TBCD: variants seen among roughly 807,000 people sequenced by gnomAD.
The protein encoded by TBCD is tubulin-specific chaperone D.
Under a neutral mutation model 169.3 loss-of-function variants are expected in TBCD, and 105 were observed. The ratio of observed to expected loss-of-function variants is 0.62; its 90% CI spans 0.53 to 0.73. The LOEUF (loss-of-function observed/expected upper bound fraction) is 0.73, where lower values mean the gene tolerates loss of function less well. Ranked by LOEUF, TBCD falls within the 30% of genes least tolerant of loss-of-function variation. The pLI is 0.00. For synonymous variants in TBCD, 700 were observed against 643.9 expected, an observed-to-expected ratio of 1.09 and a Z score of -1.32; for missense variants, 1,444 against 1,600.1, an observed-to-expected ratio of 0.90 and a Z score of 1.66.
At chr17:82,801,659 G>T (rs1267297374) in intron 9 of TBCD, among the ~76,000 whole-genome samples, 2 of 96,722 alleles carry the variant, frequency 2.1e-5, no homozygotes, top group Non-Finnish European at 4.6e-5. Flanking sequence ...CGTGTGCGTT[G>T]TGTGGGTCGG....
intron 13 of TBCD, among the ~76,000 whole-genome samples, chr17:82,844,985 C>T (rs2054880346): frequency 6.6e-6 from 1 of 152,036 alleles, no homozygotes; most frequent in Admixed American, 6.5e-5. Flanking sequence ...CAGAGTTACA[C>T]CAGAGGTGGG....
intron 15 of TBCD, among the ~76,000 whole-genome samples, chr17:82,887,166 T>C (rs867572685): frequency 0.026 from 2,814 of 109,004 alleles, 71 homozygotes; most frequent in African/African-American, 0.082. Flanking sequence ...TGTGTGTGTG[T>C]GTGCGCGCGC....
chr17:82,937,962 C>T (rs753414536), intron 35 of TBCD, 87 bp from the exon 36 acceptor site: 3 of 1,572,728 alleles, frequency 1.9e-6, no homozygotes, highest in African/African-American at 1.4e-5. Context: ...CTGCCCAGGT[C>T]TCTGCATGGG....
At position 82,794,902 on chromosome 17, in the gene TBCD, C is replaced by T. The variant is rs1225796483; in HGVS notation, c.772-2855C>T. On this transcript the variant is annotated intron_variant, in intron 7 of 38. Transcript: ENST00000355528. ...GAGAGAAGTGTGAGGAGAAAAAGAC[C>T]CTTCGCCCTGTAAATGTGTGGGGTT... Among the ~76,000 whole-genome samples, 7 of 152,140 alleles carry T rather than the reference C, an allele frequency of 4.6e-5. No individual in the cohort carries two copies. The South Asian group carries it at 6.2e-4, about 14-fold the overall frequency.
chr17:82,875,619 G>GCCGAGGCCTGCAGAT (rs768613686), intron 14 of TBCD, among the ~76,000 whole-genome samples: 2 of 152,168 alleles, frequency 1.3e-5, no homozygotes, highest in African/African-American at 4.8e-5. Context: ...GGGAGGATCC[G>GCCGAGGCCTGCAGAT]CCGAGGCCTG....
At chr17:82,856,918 G>C in intron 13 of TBCD, among the ~76,000 whole-genome samples, 1 of 142,758 alleles carries the variant, frequency 7.0e-6, no homozygotes, top group East Asian at 2.0e-4. Context: ...GACCGCGTGC[G>C]GACCCTCGGT....
At chr17:82,882,594 T>C (rs537628736) in intron 14 of TBCD, among the ~76,000 whole-genome samples, 1 of 152,150 alleles carries the variant, frequency 6.6e-6, no homozygotes, top group South Asian at 2.1e-4. Flanking sequence ...GCCTGAGAGG[T>C]GTGCTGTGAA....
rs909288617 is a variant in TBCD, at chr17:82,782,635, C to G, written c.771+914C>G. 6.6e-6 allele frequency among the ~76,000 whole-genome samples: 1 copy of G among 152,198 alleles called. No homozygotes were observed. The highest frequency in any genetic ancestry group is 6.5e-5 in the Admixed American group (1 of 15,284). On this transcript the variant is annotated intron_variant, in intron 7 of 38. Transcript: ENST00000355528. The surrounding 1 kb of genome is among the most constrained non-coding windows in gnomAD (Gnocchi z 5.1). ...TGCTGGGATTACAGGCTTGAGCCGC[C>G]GCGCCTGGAAGGACACTTTGGAGCG...
chr17:82,779,847 G>A lies in TBCD; in HGVS notation c.639-1742G>A, dbSNP rs543190057. 7.9e-5 allele frequency among the ~76,000 whole-genome samples: 12 copies of A among 152,290 alleles called. 1 individual carries two copies. In the South Asian group the frequency reaches 1.2e-3, roughly 16 times the overall value. On this transcript the variant is annotated intron_variant, in intron 6 of 38. Coordinates refer to ENST00000355528, the MANE Select transcript of TBCD (RefSeq NM_005993.5). ...GTCTCACCTTGCCTGGGGTCTCCAC[G>A]TAGCTGTCTCGTGGGCGTCGCGTGG... is the stretch of plus-strand genomic sequence containing the variant.
chr17:82,752,300 C>T lies in TBCD; in HGVS notation c.107C>T (p.Thr36Ile). The T allele has an allele frequency of 3.3e-6, 5 of 1,507,752 alleles. No individual in the cohort carries two copies. Among genetic ancestry groups the T allele is most frequent in the Non-Finnish European group, 4.4e-6 (5 of 1,135,084 alleles). 93.4% of individuals were successfully genotyped at this position (1,507,752 alleles called of 1,614,324 possible). Residue 36 changes from threonine (T) to isoleucine (I), a missense_variant, in exon 1 of 39, where the codon ACC (threonine) becomes ATC (isoleucine). Physicochemically the swap from Thr to Ile is moderately conservative, Grantham distance 89. Coordinates refer to ENST00000355528, the MANE Select transcript of TBCD (RefSeq NM_005993.5). ...GAAGCGTTCGGCGAGAGCGCGGAGA[C>T]CCGGGCGCTGCTGGGCCGCCTGCGG... is the stretch of plus-strand genomic sequence containing the variant. Reference protein sequence around the residue: ...ALEAFGESAETRALLGRLREV... With the variant: ...ALEAFGESAEIRALLGRLREV...
intron 25 of TBCD, among the ~76,000 whole-genome samples, chr17:82,921,864 C>G (rs995483164): frequency 6.6e-5 from 10 of 152,204 alleles, no homozygotes; most frequent in African/African-American, 2.4e-4. Context: ...TCAATAGTAA[C>G]TGTGCTCTGT....
Position 82,884,569 on chromosome 17 carries a change from C to T in TBCD, c.1533+367C>T, listed in dbSNP as rs1479487466. On this transcript the variant is annotated intron_variant, in intron 15 of 38. Transcript: ENST00000355528. This position sits in a 1 kb window ranked among gnomAD's most constrained non-coding sequence, Gnocchi z 4.2. Reference sequence around the variant, plus strand: ...GCCAGAATGTGGCGGCGGGACGGGTCACTCACCGGGTGGCTTTGAGCCTCG... The same window carrying T: ...GCCAGAATGTGGCGGCGGGACGGGTTACTCACCGGGTGGCTTTGAGCCTCG... 6.6e-6 allele frequency among the ~76,000 whole-genome samples: 1 copy of T among 152,168 alleles called. No individual in the cohort carries two copies. Among genetic ancestry groups the T allele is most frequent in the African/African-American group, 2.4e-5 (1 of 41,430 alleles).
chr17:82,853,896 A>AT (rs1039606960), intron 13 of TBCD, among the ~76,000 whole-genome samples: 26 of 151,474 alleles, frequency 1.7e-4, no homozygotes, highest in Middle Eastern at 6.9e-3. Context: ...GCTTTTTCAG[A>AT]TTTTTTTTTG....
chr17:82,856,156 G>A (rs1238596570), intron 13 of TBCD, among the ~76,000 whole-genome samples: 1 of 151,140 alleles, frequency 6.6e-6, no homozygotes, highest in South Asian at 2.1e-4. Flanking sequence ...CATATAGTAA[G>A]ACAAAGACAC....
chr17:82,932,821 A>G, intron 34 of TBCD, 86 bp downstream of exon 34: 2 of 1,373,102 alleles, frequency 1.5e-6, no homozygotes, highest in South Asian at 1.2e-5. Context: ...CACAGAGATC[A>G]GAATTCCAGG....
At chr17:82,838,837 G>A (rs932261975) in intron 13 of TBCD, 50 of 985,312 alleles carry the variant, frequency 5.1e-5, no homozygotes, top group African/African-American at 1.4e-4. Context: ...ACCTGAGCTC[G>A]TAAACAAACG....
At position 82,942,635 on chromosome 17, in the gene TBCD, T is replaced by C; in HGVS notation, c.*172T>C. 1.3e-6 allele frequency: 1 copy of C among 760,280 alleles called. No homozygotes were observed. The highest frequency in any genetic ancestry group is 2.6e-5 in the Admixed American group (1 of 38,062). The allele number at this position is 760,280 out of a possible 1,614,324, so 47.1% of individuals were successfully genotyped here. ...TTTCCTCTCTGCACCTGCGCTCTGG[T>C]GACTTGGGGTGGACGCCTCTGCCTT... On this transcript the variant is annotated 3_prime_UTR_variant, in exon 39 of 39. Coordinates refer to ENST00000355528, the MANE Select transcript of TBCD (RefSeq NM_005993.5).
chr17:82,789,364 C>T lies in TBCD; in HGVS notation c.771+7643C>T, dbSNP rs960479267. Among the ~76,000 whole-genome samples, 5 of 152,180 alleles carry T rather than the reference C, an allele frequency of 3.3e-5. No homozygotes were observed. Among genetic ancestry groups the T allele is most frequent in the African/African-American group, 9.6e-5 (4 of 41,452 alleles). ...CTGGCCCATCCCTGCTGAGGTGGCGCGACCTGCTCACAGACGTGTGCTCAC... is the reference window on the plus strand; with the variant it reads ...CTGGCCCATCCCTGCTGAGGTGGCGTGACCTGCTCACAGACGTGTGCTCAC... On this transcript the variant is annotated intron_variant, in intron 7 of 38. Coordinates refer to ENST00000355528, the MANE Select transcript of TBCD (RefSeq NM_005993.5). This position sits in a 1 kb window ranked among gnomAD's most constrained non-coding sequence, Gnocchi z 4.8.
intron 15 of TBCD, among the ~76,000 whole-genome samples, chr17:82,887,162 T>TGTGTGTGTGCGC: frequency 9.3e-6 from 1 of 107,328 alleles, no homozygotes; most frequent in South Asian, 3.3e-4. Flanking sequence ...TGTGTGTGTG[T>TGTGTGTGTGCGC]GTGTGTGCGC....
Sources: allele counts gnomAD v4.1 joint callset (sites outside exome capture counted in the v4.1 genomes callset), GRCh38; gene constraint gnomAD v4.1.1; non-coding constraint Gnocchi (gnomAD v3.1); transcripts MANE v1.5; gene names NCBI Gene and HGNC (gene_info 2026-07-23, HGNC 2026-07-21).